Variants in RIN3 observed in about 807,000 individuals in gnomAD.
RIN3 encodes the protein RAB5 interacting protein 3.
A neutral mutation model predicts 76.3 loss-of-function variants in RIN3; 54 were observed. The ratio of observed to expected loss-of-function variants is 0.71; its 90% confidence interval spans 0.57 to 0.89. RIN3 has a LOEUF of 0.89. RIN3 is among the 40% of genes least tolerant of loss of function. RIN3 has a pLI of 0.00. For missense variants in RIN3, 1,256 were observed against 1,322.1 expected, an observed-to-expected ratio of 0.95 and a Z score of 0.78; for synonymous variants, 576 against 564.0, an observed-to-expected ratio of 1.02 and a Z score of -0.30.
intron 7 of RIN3, among the ~76,000 whole-genome samples, chr14:92,671,480 G>A (rs1395572739): frequency 1.3e-5 from 2 of 152,210 alleles, no homozygotes; most frequent in African/African-American, 2.4e-5. Context: ...GTAAGCACCA[G>A]TAACCCTGGG....
chr14:92,664,364 C>CTTTTTTTTTT (rs373597134), intron 7 of RIN3, among the ~76,000 whole-genome samples: 23 of 84,442 alleles, frequency 2.7e-4, no homozygotes, highest in Non-Finnish European at 3.7e-4. Context: ...TTCTTTCTTT[C>CTTTTTTTTTT]TTTTTTTTTT....
At chr14:92,528,759 AC>A (rs1388072055) in intron 1 of RIN3, among the ~76,000 whole-genome samples, 1 of 152,176 alleles carries the variant, frequency 6.6e-6, no homozygotes, top group East Asian at 1.9e-4. Context: ...GCAGCCCCGC[AC>A]AGTAGGCACT....
At chr14:92,533,143 A>G (rs1198953102) in intron 1 of RIN3, among the ~76,000 whole-genome samples, 1 of 152,226 alleles carries the variant, frequency 6.6e-6, no homozygotes, top group East Asian at 1.9e-4. Flanking sequence ...AAATCCCACA[A>G]ATAACACACG....
intron 7 of RIN3, among the ~76,000 whole-genome samples, chr14:92,670,797 G>A (rs1451828494): frequency 6.6e-6 from 1 of 152,194 alleles, no homozygotes; most frequent in African/African-American, 2.4e-5. Context: ...GCTCGTGGGA[G>A]CTGGCTGTGG....
intron 3 of RIN3, among the ~76,000 whole-genome samples, chr14:92,589,495 G>C (rs530081173): frequency 6.6e-6 from 1 of 152,284 alleles, no homozygotes; most frequent in Admixed American, 6.5e-5. Context: ...CCTGTGCAGG[G>C]AGACAGCCTG....
intron 2 of RIN3, among the ~76,000 whole-genome samples, chr14:92,560,677 C>T (rs555784477): frequency 4.6e-5 from 7 of 152,132 alleles, no homozygotes; most frequent in South Asian, 2.1e-4. Flanking sequence ...TTCACAACAG[C>T]GGTCCCACAG....
At chr14:92,615,631 A>T in intron 4 of RIN3, 152 bp downstream of exon 4, 2 of 674,286 alleles carry the variant, frequency 3.0e-6, no homozygotes, top group Non-Finnish European at 5.3e-6. Flanking sequence ...TCTGGGAACC[A>T]CAGAGGATGT....
intron 4 of RIN3, among the ~76,000 whole-genome samples, chr14:92,628,956 GA>G (rs142558490): frequency 5.3e-5 from 8 of 150,792 alleles, no homozygotes; most frequent in South Asian, 2.1e-4. Context: ...GAAAGAGAGA[GA>G]AAAAAAAATG....
chr14:92,645,731 G>A (rs777951069), intron 5 of RIN3, among the ~76,000 whole-genome samples: 39 of 152,310 alleles, frequency 2.6e-4, no homozygotes, highest in African/African-American at 8.4e-4. Flanking sequence ...CAAGGCGGGC[G>A]GATCATGAGG....
At chr14:92,545,964 C>G (rs1016417567) in intron 1 of RIN3, among the ~76,000 whole-genome samples, 2 of 150,324 alleles carry the variant, frequency 1.3e-5, no homozygotes, top group African/African-American at 4.9e-5. Context: ...CTTGCTTTGT[C>G]CCCCAGGCCG....
intron 3 of RIN3, among the ~76,000 whole-genome samples, chr14:92,612,807 A>T (rs771547075): frequency 1.3e-5 from 2 of 152,290 alleles, no homozygotes; most frequent in African/African-American, 2.4e-5. Flanking sequence ...ACAGTAAAAC[A>T]GTATTTGGGC....
Position 92,518,421 on chromosome 14 carries a change from G to A in RIN3, c.44+4445G>A, listed in dbSNP as rs1455069742. Among the ~76,000 whole-genome samples the A allele has an allele frequency of 3.3e-5, 5 of 152,194 alleles. 1 individual carries two copies. Among genetic ancestry groups the A allele is most frequent in the Admixed American group, 3.3e-4 (5 of 15,272 alleles). ...TGTTTACAAGGTGGCCTAGATCACA[G>A]GGCGGGGCTAAGTAGGGGGAGACCC... On this transcript the variant is annotated intron_variant, in intron 1 of 9. Transcript: ENST00000216487.
intron 1 of RIN3, among the ~76,000 whole-genome samples, chr14:92,534,551 G>T (rs957489864): frequency 6.6e-5 from 10 of 150,468 alleles, no homozygotes; most frequent in Middle Eastern, 3.5e-3. Context: ...TCGTGCCACT[G>T]CACTCCAGCC....
chr14:92,542,717 G>T lies in RIN3; in HGVS notation c.45-13034G>T, dbSNP rs535899187. Among the ~76,000 whole-genome samples, 93 of 152,352 alleles carry T rather than the reference G, an allele frequency of 6.1e-4. 1 individual carries two copies. The highest frequency in any genetic ancestry group is 2.2e-3 in the African/African-American group (92 of 41,584). On this transcript the variant is annotated intron_variant, in intron 1 of 9. Transcript: ENST00000216487. The stretch of plus-strand genomic sequence containing the variant: ...CAAATGTGGCATCTCCATACAATGG[G>T]ATATTGCTTGGCAATAAAAAGAAGT...
At chr14:92,645,419 C>T (rs1012238588) in intron 5 of RIN3, among the ~76,000 whole-genome samples, 2 of 152,156 alleles carry the variant, frequency 1.3e-5, no homozygotes, top group Admixed American at 6.5e-5. Flanking sequence ...GTTTATTCAG[C>T]TATAAAAAGG....
At chr14:92,630,002 T>G (rs1886512223) in intron 4 of RIN3, among the ~76,000 whole-genome samples, 1 of 152,220 alleles carries the variant, frequency 6.6e-6, no homozygotes, top group Non-Finnish European at 1.5e-5. Flanking sequence ...TCCAAGCTCC[T>G]AACCATAGTG....
intron 4 of RIN3, among the ~76,000 whole-genome samples, chr14:92,626,945 A>C (rs1253637222): frequency 1.3e-5 from 2 of 152,324 alleles, no homozygotes; most frequent in African/African-American, 4.8e-5. Context: ...AAAAGTTAAC[A>C]GACCCAATCC....
In RIN3 at chr14:92,587,869, A is replaced by T. The variant is rs574107014; in HGVS notation, c.367+10392A>T. On this transcript the variant is annotated intron_variant, in intron 3 of 9. Transcript: ENST00000216487. Reference sequence around the variant, plus strand: ...AATACCAAGACTGGGTAATTTATAAAGAATGGAAATTTATTTCTCACAATT... The same window carrying T: ...AATACCAAGACTGGGTAATTTATAATGAATGGAAATTTATTTCTCACAATT... 2.0e-5 allele frequency among the ~76,000 whole-genome samples: 3 copies of T among 152,272 alleles called. No homozygotes were observed. The East Asian group carries it at 5.8e-4, about 29-fold the overall frequency.
intron 7 of RIN3, among the ~76,000 whole-genome samples, chr14:92,673,317 T>C (rs1173142276): frequency 4.6e-5 from 7 of 152,198 alleles, no homozygotes; most frequent in Non-Finnish European, 1.0e-4. Context: ...TTCTTAGCTA[T>C]TATGACCAAT....
Sources: allele counts gnomAD v4.1 joint callset (sites outside exome capture counted in the v4.1 genomes callset), GRCh38; gene constraint gnomAD v4.1.1; transcripts MANE v1.5; gene names NCBI Gene and HGNC (gene_info 2026-07-23, HGNC 2026-07-21).